The following KHDRBS2 variants were observed in gnomAD, a reference collection of about 807,000 sequenced individuals.
The protein encoded by KHDRBS2 is KH RNA binding domain containing, signal transduction associated 2.
A neutral mutation model predicts 44.3 loss-of-function variants in KHDRBS2; 26 were observed. That is an observed-to-expected ratio of 0.59 (90% CI 0.43 to 0.81). The LOEUF (loss-of-function observed/expected upper bound fraction) is 0.81, where lower values mean the gene tolerates loss of function less well. KHDRBS2 is among the 40% of genes least tolerant of loss of function. KHDRBS2 has a pLI of 0.00. For missense variants in KHDRBS2, 476 were observed against 433.1 expected, an observed-to-expected ratio of 1.10 and a Z score of -0.88; for synonymous variants, 194 against 151.1, an observed-to-expected ratio of 1.28 and a Z score of -2.08.
At chr6:61,855,760 T>C (rs955649147) in intron 6 of KHDRBS2, among the ~76,000 whole-genome samples, 2 of 152,018 alleles carry the variant, frequency 1.3e-5, no homozygotes, top group Non-Finnish European at 2.9e-5. Context: ...TAGATAAATG[T>C]CCCAGTGTCT....
chr6:61,912,103 AAGCATTCT>A (rs1806160772), intron 4 of KHDRBS2, among the ~76,000 whole-genome samples: 1 of 152,176 alleles, frequency 6.6e-6, no homozygotes, highest in Non-Finnish European at 1.5e-5. Flanking sequence ...ATGTTAAGTG[AAGCATTCT>A]AGCTGATAAA....
At chr6:61,589,314 G>A in the KHDRBS2 span, among the ~76,000 whole-genome samples, 1 of 152,166 alleles carries the variant, frequency 6.6e-6, no homozygotes, top group East Asian at 1.9e-4. Flanking sequence ...AGATGGTTCA[G>A]ATAATTCTAG....
At chr6:61,764,808 C>T (rs1779760700) in intron 6 of KHDRBS2, among the ~76,000 whole-genome samples, 1 of 150,366 alleles carries the variant, frequency 6.7e-6, no homozygotes, top group Non-Finnish European at 1.5e-5. Flanking sequence ...GATTGCAAAA[C>T]TGTTCTTCCT....
chr6:62,184,878 G>C (rs1374028372), intron 1 of KHDRBS2, among the ~76,000 whole-genome samples: 3 of 151,796 alleles, frequency 2.0e-5, no homozygotes, highest in Non-Finnish European at 4.4e-5. Context: ...ATAGGTATGT[G>C]ATTAAATGCC....
At chr6:62,115,838 A>G (rs1296654023) in intron 2 of KHDRBS2, among the ~76,000 whole-genome samples, 1 of 152,130 alleles carries the variant, frequency 6.6e-6, no homozygotes, top group Admixed American at 6.6e-5. Flanking sequence ...GAGAAATCAT[A>G]TAAAACAAAA....
chr6:62,059,273 G>T (rs1414546367), intron 2 of KHDRBS2, among the ~76,000 whole-genome samples: 3 of 125,752 alleles, frequency 2.4e-5, no homozygotes, highest in Non-Finnish European at 4.8e-5. Context: ...GCTTGAAGCT[G>T]GGTATGGAAA....
intron 6 of KHDRBS2, among the ~76,000 whole-genome samples, chr6:61,885,243 G>GA (rs373573622): frequency 3.1e-4 from 45 of 146,978 alleles, no homozygotes; most frequent in South Asian, 6.5e-4. Context: ...CTGGTTGATA[G>GA]AAAAAAAAAA....
At chr6:61,900,544 C>T (rs1452379659) in intron 5 of KHDRBS2, among the ~76,000 whole-genome samples, 1 of 152,104 alleles carries the variant, frequency 6.6e-6, no homozygotes. Context: ...TCCTGCAAAA[C>T]AAATTCTAAT....
At chr6:61,936,367 G>A (rs542607800) in intron 4 of KHDRBS2, among the ~76,000 whole-genome samples, 8 of 151,996 alleles carry the variant, frequency 5.3e-5, no homozygotes, top group Non-Finnish European at 1.2e-4. Context: ...GCCCCATAGG[G>A]CTGCTCCACA....
At chr6:61,931,553 G>T (rs1004349446) in intron 4 of KHDRBS2, among the ~76,000 whole-genome samples, 8 of 151,914 alleles carry the variant, frequency 5.3e-5, no homozygotes, top group African/African-American at 1.9e-4. Context: ...AATTTAAGTG[G>T]TTTTATATGC....
intron 2 of KHDRBS2, among the ~76,000 whole-genome samples, chr6:62,050,799 C>T (rs1788845440): frequency 6.6e-6 from 1 of 151,940 alleles, no homozygotes; most frequent in Middle Eastern, 3.2e-3. Flanking sequence ...AAGTATTTAT[C>T]CCAGGGAATT....
intron 2 of KHDRBS2, among the ~76,000 whole-genome samples, chr6:62,128,732 TG>T: frequency 6.6e-6 from 1 of 152,136 alleles, no homozygotes; most frequent in Middle Eastern, 3.5e-3. Context: ...TTAGTGTAGA[TG>T]TTTATAAGCA....
At chr6:61,644,285 C>T in the KHDRBS2 span, among the ~76,000 whole-genome samples, 2 of 152,018 alleles carry the variant, frequency 1.3e-5, no homozygotes, top group Admixed American at 6.6e-5. Flanking sequence ...CTTTCTTACA[C>T]CATATTAAAA....
At chr6:61,589,031 C>A in the KHDRBS2 span, among the ~76,000 whole-genome samples, 1 of 151,412 alleles carries the variant, frequency 6.6e-6, no homozygotes, top group Non-Finnish European at 1.5e-5. Flanking sequence ...CACATGGACA[C>A]AAGGAGGGTA....
intron 5 of KHDRBS2, among the ~76,000 whole-genome samples, chr6:61,900,234 G>C (rs1803719751): frequency 6.6e-6 from 1 of 151,870 alleles, no homozygotes; most frequent in Non-Finnish European, 1.5e-5. Context: ...AACATTTTGA[G>C]ATATTTTTGA....
the KHDRBS2 span, among the ~76,000 whole-genome samples, chr6:61,652,982 C>A: frequency 6.6e-6 from 1 of 151,976 alleles, no homozygotes; most frequent in Non-Finnish European, 1.5e-5. Context: ...AGAAATGACA[C>A]CGGAGGCAAT....
chr6:61,951,840 T>A (rs1764816807), intron 4 of KHDRBS2, among the ~76,000 whole-genome samples: 1 of 152,060 alleles, frequency 6.6e-6, no homozygotes, highest in South Asian at 2.1e-4. Flanking sequence ...GTTGAGATTT[T>A]TTTTTAGTTG....
At chr6:61,899,738 C>CG (rs1554263656) in intron 5 of KHDRBS2, among the ~76,000 whole-genome samples, 6 of 139,254 alleles carry the variant, frequency 4.3e-5, no homozygotes, top group Non-Finnish European at 9.4e-5. Flanking sequence ...TTAATGCCCC[C>CG]CCCCCGCATT....
the KHDRBS2 span, among the ~76,000 whole-genome samples, chr6:61,555,699 A>G: frequency 2.6e-5 from 4 of 152,096 alleles, no homozygotes; most frequent in African/African-American, 9.7e-5. Context: ...GCTTGCTTGT[A>G]TCTTCTTTGA....
Sources: gnomAD v4.1 joint callset for allele counts (sites outside exome capture counted in the v4.1 genomes callset) on GRCh38, gnomAD v4.1.1 for gene constraint, MANE v1.5 for transcripts, NCBI Gene and HGNC (gene_info 2026-07-23, HGNC 2026-07-21) for gene names.